The following TMEM185A variants were observed in gnomAD, a reference collection of about 807,000 sequenced individuals.
The protein encoded by TMEM185A is transmembrane protein 185A.
Under a neutral mutation model 25.0 loss-of-function variants are expected in TMEM185A, and 9 were observed. That is an observed-to-expected ratio of 0.36 (90% CI 0.22 to 0.63). TMEM185A has a LOEUF of 0.63. Among genes scored for constraint, TMEM185A ranks in the 20% least tolerant of loss-of-function variants. TMEM185A has a pLI of 0.68. For missense variants in TMEM185A, 103 were observed against 237.4 expected, an observed-to-expected ratio of 0.43 and a Z score of 3.72; for synonymous variants, 45 against 93.5, an observed-to-expected ratio of 0.48 and a Z score of 2.99.
At chrX:149,610,152 C>T (rs371328819) in intron 2 of TMEM185A, among the ~76,000 whole-genome samples, 2 of 110,507 alleles carry the variant, frequency 1.8e-5, no homozygotes, top group African/African-American at 3.3e-5. Flanking sequence ...ATGTAGTGGC[C>T]GGACGTGGTG....
chrX:149,617,061 GATAA>G (rs782802845), intron 1 of TMEM185A, among the ~76,000 whole-genome samples: 1 of 112,189 alleles, frequency 8.9e-6, no homozygotes, highest in East Asian at 2.8e-4. Flanking sequence ...GGTACAACTG[GATAA>G]ATGAGGAAAG....
intron 3 of TMEM185A, among the ~76,000 whole-genome samples, chrX:149,604,722 A>G (rs782693289): frequency 2.7e-5 from 3 of 111,586 alleles, no homozygotes; most frequent in South Asian, 7.7e-4. Flanking sequence ...CTCATCTACC[A>G]TTCCCAGCTT....
intron 1 of TMEM185A, among the ~76,000 whole-genome samples, chrX:149,621,228 G>T (rs959849609): frequency 1.8e-5 from 2 of 110,384 alleles, no homozygotes; most frequent in African/African-American, 3.3e-5. Context: ...TGGTGGGGGG[G>T]GGTGGTAAAT....
intron 3 of TMEM185A, among the ~76,000 whole-genome samples, chrX:149,607,059 C>A (rs1016726908): frequency 9.0e-6 from 1 of 111,558 alleles, no homozygotes; most frequent in Admixed American, 9.4e-5. Context: ...GGCCTTTCCA[C>A]CAGCATGAAA....
intron 1 of TMEM185A, 54 bp from the exon 2 acceptor site, chrX:149,611,517 C>T: frequency 4.6e-6 from 5 of 1,082,697 alleles, no homozygotes; most frequent in Non-Finnish European, 6.2e-6. Flanking sequence ...ATATGTGATA[C>T]TGAAATGGGG....
intron 1 of TMEM185A, among the ~76,000 whole-genome samples, chrX:149,626,582 A>AAT (rs1279485707): frequency 4.5e-5 from 5 of 112,279 alleles, no homozygotes; most frequent in Admixed American, 2.8e-4. Flanking sequence ...GACTGAGAAA[A>AAT]GAAATAAGAC....
chrX:149,607,833 A>G (rs1436174877), intron 3 of TMEM185A, among the ~76,000 whole-genome samples: 1 of 111,776 alleles, frequency 8.9e-6, no homozygotes, highest in Non-Finnish European at 1.9e-5. Context: ...TTAATCAAAC[A>G]CTAAGCTTGC....
chrX:149,631,512 A>G, intron 1 of TMEM185A, 31 bp downstream of exon 1: 1 of 1,148,819 alleles, frequency 8.7e-7, no homozygotes. Context: ...CGCAGCGCGG[A>G]CTCCCGGGGG....
intron 1 of TMEM185A, among the ~76,000 whole-genome samples, chrX:149,614,058 A>C (rs781842116): frequency 8.9e-6 from 1 of 112,465 alleles, no homozygotes; most frequent in Non-Finnish European, 1.9e-5. Context: ...ATATGATTGT[A>C]GCAACACTAT....
intron 1 of TMEM185A, among the ~76,000 whole-genome samples, chrX:149,612,041 C>T (rs1251738251): frequency 8.9e-6 from 1 of 112,387 alleles, no homozygotes; most frequent in Non-Finnish European, 1.9e-5. Flanking sequence ...GAATAAATTA[C>T]ACATACACAC....
At position 149,631,664 on chromosome X, in the gene TMEM185A, C is replaced by T; in HGVS notation, c.-84G>A. 1 of 942,923 alleles carries T rather than the reference C, an allele frequency of 1.1e-6. No homozygotes were observed. The highest frequency in any genetic ancestry group is 1.4e-6 in the Non-Finnish European group (1 of 703,588). 77.7% of individuals were successfully genotyped at this position (942,923 alleles called of 1,213,427 possible). ...CCTGCGCCTTACAGCGGGTTCATGG[C>T]GCCAGCGCCAGCCGCGTCCACGCTG... is the stretch of plus-strand genomic sequence containing the variant. On this transcript the variant is annotated 5_prime_UTR_variant, in exon 1 of 7. Transcript: ENST00000600449.
rs782629433 is a variant in TMEM185A, at chrX:149,618,247, C to A, written c.39-6784G>T. Among the ~76,000 whole-genome samples the A allele has an allele frequency of 4.5e-5, 5 of 111,391 alleles. No individual in the cohort carries two copies. In the East Asian group the frequency reaches 1.1e-3, roughly 25 times the overall value. ...CTTTTGCTTATGATATCTGAGTTTT[C>A]TGTAAGGTACGTGTACTGTTTTTGT... is the stretch of plus-strand genomic sequence containing the variant. On this transcript the variant is annotated intron_variant, in intron 1 of 6. Coordinates refer to ENST00000600449, the MANE Select transcript of TMEM185A (RefSeq NM_032508.4).
At chrX:149,609,148 GT>G (rs1557354132) in intron 2 of TMEM185A, among the ~76,000 whole-genome samples, 1 of 112,435 alleles carries the variant, frequency 8.9e-6, no homozygotes, top group Non-Finnish European at 1.9e-5. Flanking sequence ...AAACACTTCT[GT>G]TCACATCTTT....
At chrX:149,623,145 A>G (rs1557355656) in intron 1 of TMEM185A, among the ~76,000 whole-genome samples, 1 of 112,220 alleles carries the variant, frequency 8.9e-6, no homozygotes, top group East Asian at 2.8e-4. Context: ...TATTGTACCC[A>G]TTGCTCATCC....
At chrX:149,614,060 C>G (rs1335415709) in intron 1 of TMEM185A, among the ~76,000 whole-genome samples, 2 of 111,696 alleles carry the variant, frequency 1.8e-5, no homozygotes, top group African/African-American at 3.3e-5. Context: ...ATGATTGTAG[C>G]AACACTATCA....
intron 1 of TMEM185A, among the ~76,000 whole-genome samples, chrX:149,626,078 C>T (rs1602885541): frequency 1.8e-5 from 2 of 112,391 alleles, no homozygotes; most frequent in African/African-American, 3.2e-5. Context: ...AGGGAAGTCA[C>T]AAGCTGTCAA....
chrX:149,622,941 T>C (rs782787099), intron 1 of TMEM185A, among the ~76,000 whole-genome samples: 1 of 112,558 alleles, frequency 8.9e-6, no homozygotes, highest in South Asian at 3.7e-4. Flanking sequence ...CACGTGATAC[T>C]GTGATGCAAG....
intron 1 of TMEM185A, among the ~76,000 whole-genome samples, chrX:149,631,232 T>C (rs782395126): frequency 6.6e-5 from 7 of 106,760 alleles, no homozygotes; most frequent in Admixed American, 3.9e-4. Flanking sequence ...GACGAAGAAG[T>C]TGGGACACCA....
intron 1 of TMEM185A, among the ~76,000 whole-genome samples, chrX:149,617,005 T>A (rs2090113863): frequency 8.9e-6 from 1 of 111,954 alleles, no homozygotes; most frequent in African/African-American, 3.3e-5. Flanking sequence ...TCCACAAAGG[T>A]GCCAAAACAA....
Sources: gnomAD v4.1 joint callset for allele counts (sites outside exome capture counted in the v4.1 genomes callset) on GRCh38, gnomAD v4.1.1 for gene constraint, MANE v1.5 for transcripts, NCBI Gene and HGNC (gene_info 2026-07-23, HGNC 2026-07-21) for gene names.